ATRX: variants seen among roughly 807,000 people sequenced by gnomAD.
ATRX encodes chromatin remodeler ATRX.
ATRX carries 12 observed loss-of-function variants against 172.6 expected under a neutral mutation model. The observed-to-expected ratio is 0.07, with a 90% CI of 0.04 to 0.11. ATRX has a LOEUF of 0.11. Ranked by LOEUF, ATRX falls within the 10% of genes least tolerant of loss-of-function variation. ATRX has a pLI of 1.00. For missense variants in ATRX, 1,368 were observed against 1,767.4 expected (o/e 0.77, Z 4.05); for synonymous variants, 674 against 594.7 (o/e 1.13, Z -1.94).
intron 19 of ATRX, among the ~76,000 whole-genome samples, chrX:77,621,857 C>A (rs781999256): frequency 9.2e-6 from 1 of 109,251 alleles, no homozygotes; most frequent in Non-Finnish European, 1.9e-5. Context: ...AAAACAACAA[C>A]AACAACAACA....
At chrX:77,557,757 G>A (rs2064855633) in intron 29 of ATRX, 112 bp from the exon 30 acceptor site, 4 of 648,857 alleles carry the variant, frequency 6.2e-6, no homozygotes, top group Non-Finnish European at 6.9e-6. Flanking sequence ...CTTTATGGTA[G>A]TATATTGCCA....
rs202111882 is a variant in ATRX at position 77,661,467 on chromosome X, G to GA, written c.4120+1914dup. Reference sequence around the variant, plus strand: ...GAGTTCAAAAATAAATACAGTAATTGAAAAAAAAAAAAAAACTTTTCAATG... The same window carrying GA: ...GAGTTCAAAAATAAATACAGTAATTGAAAAAAAAAAAAAAAACTTTTCAATG... On this transcript the variant is annotated intron_variant, in intron 12 of 34. Coordinates refer to ENST00000373344, the MANE Select transcript of ATRX (RefSeq NM_000489.6). Among the ~76,000 whole-genome samples the GA allele has an allele frequency of 2.2e-3, 199 of 91,283 alleles. 1 individual carries two copies. The highest frequency in any genetic ancestry group is 3.3e-3 in the African/African-American group (77 of 23,363). 79.3% of individuals were successfully genotyped at this position (91,283 alleles called of 115,157 possible). A position where few individuals can be genotyped will look rare whatever the true frequency, so the allele number is the denominator to read the frequency against.
rs556807330 is a variant in ATRX, at chrX:77,522,404, T to A, written c.6850-16A>T. The A allele has an allele frequency of 5.0e-6, 6 of 1,207,365 alleles. No individual in the cohort carries two copies. In the African/African-American group the frequency reaches 7.0e-5, roughly 14 times the overall value. ...TGGTCAGTCCCTAAAAACAAAAAAA[T>A]TATGCACTTTTCACATTGTGATTTA... is the stretch of plus-strand genomic sequence containing the variant. On this transcript the variant is annotated splice_polypyrimidine_tract_variant and intron_variant, in intron 31 of 34. Coordinates refer to ENST00000373344, the MANE Select transcript of ATRX (RefSeq NM_000489.6).
intron 27 of ATRX, among the ~76,000 whole-genome samples, chrX:77,574,924 A>G (rs1272020000): frequency 9.1e-6 from 1 of 109,965 alleles, no homozygotes; most frequent in Non-Finnish European, 1.9e-5. Flanking sequence ...GTACGACTTT[A>G]TGAGTTAATG....
At chrX:77,701,507 C>T (rs1254813338) in intron 2 of ATRX, among the ~76,000 whole-genome samples, 16 of 103,763 alleles carry the variant, frequency 1.5e-4, no homozygotes, top group Non-Finnish European at 2.2e-4. Flanking sequence ...AGCAAAACTC[C>T]GTCTCAAAAA....
chrX:77,707,950 A>G (rs1262028262), intron 2 of ATRX, among the ~76,000 whole-genome samples: 2 of 112,229 alleles, frequency 1.8e-5, no homozygotes, highest in Non-Finnish European at 3.8e-5. Flanking sequence ...ATGGACGTGA[A>G]GAACTCACAA....
chrX:77,512,728 G>A (rs891867727), intron 34 of ATRX, among the ~76,000 whole-genome samples: 6 of 110,611 alleles, frequency 5.4e-5, no homozygotes, highest in East Asian at 5.7e-4. Flanking sequence ...AATTAGCTGC[G>A]CATGGTGGCG....
chrX:77,660,182 C>T (rs2069792829), intron 12 of ATRX, among the ~76,000 whole-genome samples: 1 of 111,763 alleles, frequency 8.9e-6, no homozygotes, highest in African/African-American at 3.2e-5. Flanking sequence ...GTTGAAGAGG[C>T]ACAGGAATCC....
intron 28 of ATRX, among the ~76,000 whole-genome samples, chrX:77,563,700 T>TGC (rs2065094342): frequency 1.7e-5 from 1 of 59,247 alleles, no homozygotes; most frequent in African/African-American, 4.9e-5. Flanking sequence ...TGTGTGTACA[T>TGC]GCGTGTGTGT....
At chrX:77,739,791 T>G (rs1329970384) in intron 1 of ATRX, among the ~76,000 whole-genome samples, 2 of 109,728 alleles carry the variant, frequency 1.8e-5, no homozygotes, top group East Asian at 5.7e-4. Flanking sequence ...GGCTCATACT[T>G]GTAATCCCAG....
At chrX:77,657,730 C>T (rs1310044660) in intron 12 of ATRX, among the ~76,000 whole-genome samples, 1 of 111,523 alleles carries the variant, frequency 9.0e-6, no homozygotes, top group African/African-American at 3.3e-5. Flanking sequence ...ACTGCTTCAC[C>T]CAAGATGCAT....
intron 23 of ATRX, 110 bp from the exon 24 acceptor site, chrX:77,599,930 TGAG>T: frequency 1.6e-6 from 1 of 621,901 alleles, no homozygotes; most frequent in South Asian, 2.6e-5. Flanking sequence ...GAGGAAGGAC[TGAG>T]GAACTATTAC....
At chrX:77,723,282 T>C (rs1458128642) in intron 1 of ATRX, among the ~76,000 whole-genome samples, 1 of 111,240 alleles carries the variant, frequency 9.0e-6, no homozygotes, top group Non-Finnish European at 1.9e-5. Context: ...TATAGATATT[T>C]ACGCAGAAAC....
chrX:77,549,762 G>A (rs1016835802), intron 30 of ATRX, among the ~76,000 whole-genome samples: 9 of 111,865 alleles, frequency 8.0e-5, no homozygotes, highest in Non-Finnish European at 1.1e-4. Context: ...TTCACAGGAC[G>A]TCAAGGCTAT....
chrX:77,600,328 T>A (rs1367921566), intron 23 of ATRX, 106 bp downstream of exon 23: 25 of 931,525 alleles, frequency 2.7e-5, no homozygotes, highest in Non-Finnish European at 3.8e-5. Context: ...AGACATAGAA[T>A]AGAACAAAGC....
chrX:77,719,993 T>G (rs2073662359), intron 1 of ATRX, among the ~76,000 whole-genome samples: 1 of 112,199 alleles, frequency 8.9e-6, no homozygotes, highest in South Asian at 3.7e-4. Flanking sequence ...CAGACTATAA[T>G]GCAATCAAAT....
In ATRX at chrX:77,734,549, G is replaced by A. The variant is rs140602924; in HGVS notation, c.21-17306C>T. The stretch of plus-strand genomic sequence containing the variant: ...TGCCTGTAATCCCAGCACTTTGGGA[G>A]GCCAAGGCGGAAGGATCACCTGAGG... On this transcript the variant is annotated intron_variant, in intron 1 of 34. Coordinates refer to ENST00000373344, the MANE Select transcript of ATRX (RefSeq NM_000489.6). Among the ~76,000 whole-genome samples the A allele has an allele frequency of 6.4e-3, 716 of 112,311 alleles. 9 individuals carry two copies. The highest frequency in any genetic ancestry group is 0.022 in the African/African-American group (681 of 30,980).
intron 1 of ATRX, among the ~76,000 whole-genome samples, chrX:77,768,891 A>T: frequency 8.9e-6 from 1 of 111,957 alleles, no homozygotes; most frequent in Non-Finnish European, 1.9e-5. Context: ...TGTTGTATCT[A>T]TGTATCTAAT....
At chrX:77,739,054 G>C (rs2074735613) in intron 1 of ATRX, among the ~76,000 whole-genome samples, 1 of 110,487 alleles carries the variant, frequency 9.1e-6, no homozygotes, top group Non-Finnish European at 1.9e-5. Context: ...AAATTCTTTA[G>C]TGGTAATTTC....
Sources: allele counts gnomAD v4.1 joint callset (sites outside exome capture counted in the v4.1 genomes callset), GRCh38; gene constraint gnomAD v4.1.1; transcripts MANE v1.5; gene names NCBI Gene and HGNC (gene_info 2026-07-23, HGNC 2026-07-21).